DIDO1: variants seen among roughly 807,000 people sequenced by gnomAD.
DIDO1 encodes the protein death inducer-obliterator 1.
Under a neutral mutation model 99.4 loss-of-function variants are expected in DIDO1, and 16 were observed. That is an observed-to-expected ratio of 0.16 (90% CI 0.11 to 0.24). The LOEUF (loss-of-function observed/expected upper bound fraction) is 0.24, where lower values mean the gene tolerates loss of function less well. Among genes scored for constraint, DIDO1 ranks in the 10% least tolerant of loss-of-function variants. DIDO1 has a pLI of 1.00. For missense variants in DIDO1, 2,996 were observed against 3,014.0 expected, an observed-to-expected ratio of 0.99 and a Z score of 0.14; for synonymous variants, 1,366 against 1,239.1, an observed-to-expected ratio of 1.10 and a Z score of -2.15.
Position 62,880,207 on chromosome 20 carries a change from C to T in DIDO1, c.5749G>A (p.Gly1917Arg). The change falls in exon 16 of 16, where the codon GGA (glycine) becomes AGA (arginine). Residue 1917 changes from glycine (G) to arginine (R), a missense_variant. This residue lies in a region of DIDO1 where 1,562 missense variants were observed against 1,412.6 expected (regional missense o/e 1.11). Coordinates refer to ENST00000395343, the MANE Select transcript of DIDO1 (RefSeq NM_001193369.2). ...PPPSQFGGQR[G>R]PPPGHFVGPR... ...CCCACGAAATGACCAGGGGGTGGTC[C>T]TCTCTGACCTCCAAACTGAGAGGGA... The T allele has an allele frequency of 6.2e-7, 1 of 1,612,448 alleles. No homozygotes were observed. The highest frequency in any genetic ancestry group is 8.5e-7 in the Non-Finnish European group (1 of 1,179,864).
intron 15 of DIDO1, among the ~76,000 whole-genome samples, chr20:62,884,080 T>C (rs562541747): frequency 6.6e-6 from 1 of 152,316 alleles, no homozygotes; most frequent in Admixed American, 6.5e-5. Flanking sequence ...CTAAGGCTCA[T>C]GTCTTTGTAA....
chr20:62,914,606 C>T (rs1010350635), intron 1 of DIDO1, among the ~76,000 whole-genome samples, 200 bp from the exon 2 acceptor site: 2 of 152,242 alleles, frequency 1.3e-5, no homozygotes, highest in Middle Eastern at 3.4e-3. Flanking sequence ...TGCTACCAAC[C>T]CCCAAGAGAA....
At chr20:62,888,279 C>T in intron 15 of DIDO1, 1 of 985,508 alleles carries the variant, frequency 1.0e-6, no homozygotes. Context: ...ACGAGTCAGT[C>T]ACTCTTTTCT....
At chr20:62,890,240 T>C (rs1600926072) in intron 15 of DIDO1, 8 of 985,832 alleles carry the variant, frequency 8.1e-6, no homozygotes, top group East Asian at 1.1e-4. Flanking sequence ...ACGGAGACAC[T>C]TCAGTTGGGC....
At chr20:62,907,387 CA>C in intron 4 of DIDO1, 28 bp from the exon 5 acceptor site, 1 of 1,604,814 alleles carries the variant, frequency 6.2e-7, no homozygotes, top group Non-Finnish European at 8.5e-7. Context: ...TGACTTCAAA[CA>C]ATGTACTTGC....
intron 2 of DIDO1, among the ~76,000 whole-genome samples, chr20:62,913,268 T>TA (rs2064980816): frequency 6.6e-6 from 1 of 152,126 alleles, no homozygotes; most frequent in Admixed American, 6.6e-5. Flanking sequence ...ACCCCATTGT[T>TA]AAAGGACACA....
rs1389916431 is a variant in DIDO1 at position 62,896,962 on chromosome 20, C to T, written c.1623G>A (p.Ala541=). The change falls in exon 7 of 16, where the codon GCG becomes GCA. Residue 541 remains alanine, a synonymous_variant. Coordinates refer to ENST00000395343, the MANE Select transcript of DIDO1 (RefSeq NM_001193369.2). The surrounding 1 kb of genome is among the most constrained non-coding windows in gnomAD (Gnocchi z 4.4). The part of the protein sequence containing the change: ...TKEDRRSEEK[A]AAMAASKKTA... ...TTTTCTTTGAGGCTGCCATGGCTGCCGCTTTCTCCTCGGACCTCCTGTCTT... is the reference window on the plus strand; with the variant it reads ...TTTTCTTTGAGGCTGCCATGGCTGCTGCTTTCTCCTCGGACCTCCTGTCTT... The T allele has an allele frequency of 3.1e-6, 5 of 1,613,654 alleles. No homozygotes were observed. The highest frequency in any genetic ancestry group is 2.2e-5 in the East Asian group (1 of 44,894).
In DIDO1 at chr20:62,881,914, T is replaced by C; in HGVS notation, c.4042A>G (p.Thr1348Ala). Reference sequence around the variant, plus strand: ...GCCGGCACCCCGTCCTCTGCTGTGGTTTTGGGCTCCTGGGGGAGACCTGCG... The same window carrying C: ...GCCGGCACCCCGTCCTCTGCTGTGGCTTTGGGCTCCTGGGGGAGACCTGCG... Reference protein sequence around the residue: ...STAGLPQEPKTTAEDGVPAPP... With the variant: ...STAGLPQEPKATAEDGVPAPP... Residue 1348 changes from threonine (T) to alanine (A), a missense_variant, in exon 16 of 16, where the codon ACC becomes GCC. Transcript: ENST00000395343. The surrounding 1 kb of genome is among the most constrained non-coding windows in gnomAD (Gnocchi z 8.3). The C allele has an allele frequency of 6.2e-7, 1 of 1,613,398 alleles. No homozygotes were observed.
rs752908841 is a variant in DIDO1 at position 62,881,137 on chromosome 20, G to C, written c.4819C>G (p.Pro1607Ala). 3.1e-6 allele frequency: 5 copies of C among 1,608,418 alleles called. No individual in the cohort carries two copies. In the Admixed American group the frequency reaches 8.4e-5, roughly 27 times the overall value. ...GCTGGCTCTTTTTCCTCCGGGACTG[G>C]CATGGGCGCCTGGCCCACGAGGCCA... ...RGGLVGQAPMPVPEEKEPASS... is the reference protein window; with the variant it reads ...RGGLVGQAPMAVPEEKEPASS... The change falls in exon 16 of 16, where the codon CCA (proline) becomes GCA (alanine). Residue 1607 changes from proline (P) to alanine (A), a missense_variant. Around this residue, in one of 5 missense-constraint regions of DIDO1, gnomAD observed 1,562 missense variants for 1,412.6 expected, o/e 1.11. Transcript: ENST00000395343. The surrounding 1 kb of genome is among the most constrained non-coding windows in gnomAD (Gnocchi z 8.3).
chr20:62,925,011 C>T (rs761114523), intron 1 of DIDO1, among the ~76,000 whole-genome samples: 3 of 152,182 alleles, frequency 2.0e-5, no homozygotes, highest in Non-Finnish European at 4.4e-5. Flanking sequence ...GTGCATTAAG[C>T]AGGGAGTTTC....
intron 6 of DIDO1, among the ~76,000 whole-genome samples, chr20:62,899,462 GCCACACT>G (rs1360139796): frequency 5.3e-5 from 8 of 152,222 alleles, no homozygotes; most frequent in Admixed American, 1.3e-4. Flanking sequence ...GGCGTCCATG[GCCACACT>G]CAGATTTCTG....
chr20:62,904,807 A>AAAAAAAAAAAAAAATG (rs1568859998), intron 6 of DIDO1, among the ~76,000 whole-genome samples: 1 of 141,706 alleles, frequency 7.1e-6, no homozygotes, highest in Non-Finnish European at 1.5e-5. Context: ...AAAAAAAAAA[A>AAAAAAAAAAAAAAATG]GTGTCTTTTT....
At position 62,894,831 on chromosome 20, in the gene DIDO1, A is replaced by C; in HGVS notation, c.2415T>G (p.Ser805=). The C allele has an allele frequency of 6.2e-7, 1 of 1,614,052 alleles. No homozygotes were observed. The highest frequency in any genetic ancestry group is 8.5e-7 in the Non-Finnish European group (1 of 1,180,008). ...TTACCTCTGAATCCGACACTGGCGGAGAGTCCTCCAGATCGGGGATGGCCT... is the reference window on the plus strand; with the variant it reads ...TTACCTCTGAATCCGACACTGGCGGCGAGTCCTCCAGATCGGGGATGGCCT... The part of the protein sequence containing the change: ...RQEAIPDLED[S]PPVSDSEEQQ... The change falls in exon 10 of 16, where the codon TCT becomes TCG. Residue 805 remains serine (S), a synonymous_variant. Transcript: ENST00000395343. This position sits in a 1 kb window ranked among gnomAD's most constrained non-coding sequence, Gnocchi z 4.4.
intron 6 of DIDO1, chr20:62,905,031 AAAACTGAGAAACAAG>A: frequency 1.0e-6 from 1 of 989,566 alleles, no homozygotes; most frequent in African/African-American, 1.7e-5. Flanking sequence ...TTTATAGCAG[AAAACTGAGAAACAAG>A]AAAACATTAA....
At chr20:62,882,885 C>T (rs1222036686) in intron 15 of DIDO1, among the ~76,000 whole-genome samples, 1 of 149,290 alleles carries the variant, frequency 6.7e-6, no homozygotes. Flanking sequence ...TTCTTCCCCT[C>T]GTGCCACTGC....
Position 62,880,298 on chromosome 20 carries a change from A to G in DIDO1, c.5658T>C (p.Pro1886=). The change falls in exon 16 of 16, where the codon CCT becomes CCC. Residue 1886 remains proline, a synonymous_variant. Coordinates refer to ENST00000395343, the MANE Select transcript of DIDO1 (RefSeq NM_001193369.2). ...APFLGSRGGA[P]FQFGGQRRPL... is the part of the protein sequence containing the mutation. ...GCCTTCTCTGGCCTCCGAACTGGAA[A>G]GGCGCGCCGCCTCTGCTTCCCAGAA... The G allele has an allele frequency of 6.2e-7, 1 of 1,612,746 alleles. No individual in the cohort carries two copies. Among genetic ancestry groups the G allele is most frequent in the Non-Finnish European group, 8.5e-7 (1 of 1,179,958 alleles).
rs1470291361 is a variant in DIDO1, at chr20:62,880,193, A to T, written c.5763T>A (p.Gly1921=). Residue 1921 remains glycine (G), a synonymous_variant, in exon 16 of 16, where the codon GGT becomes GGA. Transcript: ENST00000395343. The part of the protein sequence containing the change: ...QFGGQRGPPP[G]HFVGPRGPHP... Reference sequence around the variant, plus strand: ...GGGGCCCTCTTGGGCCCACGAAATGACCAGGGGGTGGTCCTCTCTGACCTC... The same window carrying T: ...GGGGCCCTCTTGGGCCCACGAAATGTCCAGGGGGTGGTCCTCTCTGACCTC... 1.2e-6 allele frequency: 2 copies of T among 1,611,968 alleles called. No homozygotes were observed. Among genetic ancestry groups the T allele is most frequent in the Non-Finnish European group, 1.7e-6 (2 of 1,179,772 alleles).
At chr20:62,891,675 T>C (rs1160725384) in intron 14 of DIDO1, among the ~76,000 whole-genome samples, 7 of 152,050 alleles carry the variant, frequency 4.6e-5, no homozygotes, top group Non-Finnish European at 8.8e-5. Context: ...TCCTAAAATT[T>C]AACCGCACAT....
At chr20:62,918,842 G>A (rs1226651616) in intron 1 of DIDO1, among the ~76,000 whole-genome samples, 1 of 152,154 alleles carries the variant, frequency 6.6e-6, no homozygotes, top group African/African-American at 2.4e-5. Context: ...TGCAGATGAG[G>A]AGCAACTGAG....
Sources: gnomAD v4.1 joint callset for allele counts (sites outside exome capture counted in the v4.1 genomes callset) on GRCh38, gnomAD v4.1.1 for gene constraint, gnomAD v4.1.1 regional missense constraint, Gnocchi (gnomAD v3.1) non-coding constraint, MANE v1.5 for transcripts, NCBI Gene and HGNC (gene_info 2026-07-23, HGNC 2026-07-21) for gene names.